PPP1R13B: variants seen among roughly 807,000 people sequenced by gnomAD.
PPP1R13B encodes the protein protein phosphatase 1 regulatory subunit 13B.
PPP1R13B carries 44 observed loss-of-function variants against 119.8 expected under a neutral mutation model. That is an observed-to-expected ratio of 0.37 (90% CI 0.29 to 0.47). The LOEUF (loss-of-function observed/expected upper bound fraction) is 0.47. PPP1R13B is among the 20% of genes least tolerant of loss of function. The pLI is 0.99. For missense variants in PPP1R13B, 1,227 were observed against 1,413.5 expected (o/e 0.87, Z 2.12); for synonymous variants, 542 against 561.5 (o/e 0.97, Z 0.49).
At chr14:103,806,268 C>T (rs1237976962) in intron 1 of PPP1R13B, among the ~76,000 whole-genome samples, 1 of 152,114 alleles carries the variant, frequency 6.6e-6, no homozygotes, top group Non-Finnish European at 1.5e-5. Context: ...GAAAATGGCT[C>T]TCAGGCTTTT....
intron 2 of PPP1R13B, among the ~76,000 whole-genome samples, chr14:103,788,371 C>A (rs2085523605): frequency 6.6e-6 from 1 of 152,170 alleles, no homozygotes; most frequent in Admixed American, 6.5e-5. Flanking sequence ...ACAATGCTAT[C>A]ACATCCTGTT....
intron 3 of PPP1R13B, among the ~76,000 whole-genome samples, chr14:103,784,566 G>C (rs913629361): frequency 1.7e-5 from 2 of 118,110 alleles, no homozygotes; most frequent in Admixed American, 1.1e-4. Flanking sequence ...CTGGGCGACA[G>C]AGTGAGACTC....
chr14:103,765,591 CT>C (rs2084919092), intron 4 of PPP1R13B, among the ~76,000 whole-genome samples: 3 of 152,306 alleles, frequency 2.0e-5, no homozygotes, highest in Admixed American at 2.0e-4. Flanking sequence ...TCTTCATGAC[CT>C]CCCACATCTG....
Position 103,741,950 on chromosome 14 carries a change from C to T in PPP1R13B, c.1662G>A (p.Arg554=), listed in dbSNP as rs1195697065. 1.2e-6 allele frequency: 2 copies of T among 1,614,240 alleles called. No individual in the cohort carries two copies. Among genetic ancestry groups the T allele is most frequent in the South Asian group, 1.1e-5 (1 of 91,090 alleles). The change falls in exon 11 of 17, where the codon AGG becomes AGA. Residue 554 remains arginine (R), a synonymous_variant. Coordinates refer to ENST00000202556, the MANE Select transcript of PPP1R13B (RefSeq NM_015316.3). ...TTGACCCTTTATCAGCCAGGAAAGG[C>T]CTAATGGCCACTGTCAGTGGGAGTT... ...KPELPLTVAI[R]PFLADKGSRP...
chr14:103,745,723 G>A (rs749339852), intron 9 of PPP1R13B, among the ~76,000 whole-genome samples: 1 of 152,224 alleles, frequency 6.6e-6, no homozygotes, highest in Non-Finnish European at 1.5e-5. Flanking sequence ...GAGTTGTGGT[G>A]AGGCATCCAT....
intron 2 of PPP1R13B, among the ~76,000 whole-genome samples, chr14:103,796,669 G>C (rs957687619): frequency 6.6e-6 from 1 of 152,048 alleles, no homozygotes; most frequent in African/African-American, 2.4e-5. Flanking sequence ...ACAAAAACTT[G>C]TACATTGTCA....
chr14:103,775,918 A>C (rs1253047835), intron 4 of PPP1R13B, among the ~76,000 whole-genome samples: 1 of 152,124 alleles, frequency 6.6e-6, no homozygotes, highest in African/African-American at 2.4e-5. Context: ...TGAGTGGCAG[A>C]AGGATTATGA....
In PPP1R13B at chr14:103,742,441, C is replaced by G; in HGVS notation, c.1321-150G>C. 1 of 1,288,100 alleles carries G rather than the reference C, an allele frequency of 7.8e-7. No homozygotes were observed. The highest frequency in any genetic ancestry group is 1.5e-5 in the African/African-American group (1 of 67,380). 79.8% of individuals were successfully genotyped at this position (1,288,100 alleles called of 1,614,324 possible). A position where few individuals can be genotyped will look rare whatever the true frequency, so the allele number is the denominator to read the frequency against. ...TTGGGGCACACTGTTGAGCTCATTG[C>G]CTGTCTGCAAAAGTTCTGACCGAAA... is the stretch of plus-strand genomic sequence containing the variant. On this transcript the variant is annotated intron_variant, in intron 10 of 16. Coordinates refer to ENST00000202556, the MANE Select transcript of PPP1R13B (RefSeq NM_015316.3). This position sits in a 1 kb window ranked among gnomAD's most constrained non-coding sequence, Gnocchi z 4.9.
At chr14:103,785,253 CTT>C (rs1426157551) in intron 2 of PPP1R13B, among the ~76,000 whole-genome samples, 25 of 152,166 alleles carry the variant, frequency 1.6e-4, no homozygotes, top group East Asian at 1.9e-4. Context: ...GGGTTTTGCT[CTT>C]GTTGCCAAGG....
At chr14:103,823,434 A>C (rs2086459867) in intron 1 of PPP1R13B, among the ~76,000 whole-genome samples, 2 of 152,076 alleles carry the variant, frequency 1.3e-5, no homozygotes, top group South Asian at 4.2e-4. Flanking sequence ...TCAAAGGAGA[A>C]GGGGAGGGAT....
At chr14:103,735,531 G>A (rs935279737) in intron 16 of PPP1R13B, among the ~76,000 whole-genome samples, 1 of 152,218 alleles carries the variant, frequency 6.6e-6, no homozygotes, top group Non-Finnish European at 1.5e-5. Flanking sequence ...TGGCTCAACA[G>A]CAAGCCCCTG....
At position 103,757,636 on chromosome 14, in the gene PPP1R13B, T is replaced by C; in HGVS notation, c.456+14A>G. On this transcript the variant is annotated intron_variant, in intron 5 of 16. Coordinates refer to ENST00000202556, the MANE Select transcript of PPP1R13B (RefSeq NM_015316.3). ...TTTTTGAACAATGTTTCAATACCTCTTTTTATAACTTACCTTGGCAACCAA... is the reference window on the plus strand; with the variant it reads ...TTTTTGAACAATGTTTCAATACCTCCTTTTATAACTTACCTTGGCAACCAA... 1.2e-6 allele frequency: 2 copies of C among 1,611,480 alleles called. No homozygotes were observed. The highest frequency in any genetic ancestry group is 1.7e-6 in the Non-Finnish European group (2 of 1,178,044).
chr14:103,809,826 A>AATT (rs111903490), intron 1 of PPP1R13B, among the ~76,000 whole-genome samples: 2 of 149,194 alleles, frequency 1.3e-5, no homozygotes, highest in African/African-American at 4.9e-5. Flanking sequence ...CTTGTCTCAA[A>AATT]ATTATTATTA....
rs533018745 is a variant in PPP1R13B, at chr14:103,774,711, A to C, written c.354+4034T>G. 8.5e-5 allele frequency among the ~76,000 whole-genome samples: 13 copies of C among 152,350 alleles called. No individual in the cohort carries two copies. The East Asian group carries it at 2.3e-3, about 27-fold the overall frequency. ...TAGATGTCTCAGCCCAGAAGTTAGA[A>C]GGCTTATTAGCATGTCATTATTCTA... is the stretch of plus-strand genomic sequence containing the variant. On this transcript the variant is annotated intron_variant, in intron 4 of 16. Transcript: ENST00000202556.
intron 11 of PPP1R13B, 92 bp downstream of exon 11, chr14:103,741,698 G>T: frequency 7.0e-7 from 1 of 1,426,500 alleles, no homozygotes; most frequent in Non-Finnish European, 9.5e-7. Flanking sequence ...TAAATAGCAC[G>T]TGGCCCAAAC....
intron 4 of PPP1R13B, among the ~76,000 whole-genome samples, chr14:103,772,589 T>C (rs1454295440): frequency 6.6e-6 from 1 of 152,248 alleles, no homozygotes; most frequent in East Asian, 1.9e-4. Flanking sequence ...AGACTAATGA[T>C]GGTGAACACC....
At chr14:103,841,285 CA>C (rs928305501) in intron 1 of PPP1R13B, among the ~76,000 whole-genome samples, 7 of 147,518 alleles carry the variant, frequency 4.7e-5, no homozygotes, top group Non-Finnish European at 7.5e-5. Flanking sequence ...AACTCTGTCT[CA>C]AAAAAAAAAA....
At chr14:103,814,736 G>A (rs764090597) in intron 1 of PPP1R13B, among the ~76,000 whole-genome samples, 10 of 152,174 alleles carry the variant, frequency 6.6e-5, no homozygotes, top group Non-Finnish European at 1.0e-4. Context: ...ACGAGGTCAG[G>A]AGATCGAGAC....
upstream of PPP1R13B, chr14:103,847,679 GGGGGCGGGGAGA>G (rs2087095142): frequency 1.1e-6 from 1 of 946,720 alleles, no homozygotes; most frequent in African/African-American, 1.8e-5. Context: ...CGGTGGGAGC[GGGGGCGGGGAGA>G]GGGGCGGGGC....
Sources: allele counts gnomAD v4.1 joint callset (sites outside exome capture counted in the v4.1 genomes callset), GRCh38; gene constraint gnomAD v4.1.1; non-coding constraint Gnocchi (gnomAD v3.1); transcripts MANE v1.5; gene names NCBI Gene and HGNC (gene_info 2026-07-23, HGNC 2026-07-21).